Variants in KCNQ1 observed in about 807,000 individuals in gnomAD.
The protein encoded by KCNQ1 is potassium voltage-gated channel subfamily KQT member 1.
Under a neutral mutation model 72.4 loss-of-function variants are expected in KCNQ1, and 49 were observed. That is an observed-to-expected ratio of 0.68 (90% CI 0.54 to 0.86). The LOEUF (loss-of-function observed/expected upper bound fraction) is 0.86. Ranked by LOEUF, KCNQ1 falls within the 40% of genes least tolerant of loss-of-function variation. The pLI, the probability that KCNQ1 is intolerant of heterozygous loss-of-function variation, is 0.00. For missense variants in KCNQ1, 790 were observed against 945.1 expected (o/e 0.84, Z 2.15); for synonymous variants, 450 against 412.6 (o/e 1.09, Z -1.10).
chr11:2,761,429 C>T (rs1227805655), intron 11 of KCNQ1, among the ~76,000 whole-genome samples: 2 of 152,150 alleles, frequency 1.3e-5, no homozygotes, highest in Admixed American at 6.5e-5. Context: ...TTTATAGGCA[C>T]GGGATGGGAG....
intron 10 of KCNQ1, chr11:2,629,769 A>AG (rs1203800707): frequency 1.0e-5 from 4 of 398,298 alleles, no homozygotes; most frequent in Non-Finnish European, 1.8e-5. Context: ...CTGAATGCTG[A>AG]TTTTGTATCC....
At position 2,564,042 on chromosome 11, in the gene KCNQ1, C is replaced by T. The variant is rs1848211672; in HGVS notation, c.478-6586C>T. 6.6e-6 allele frequency among the ~76,000 whole-genome samples: 1 copy of T among 152,082 alleles called. No homozygotes were observed. The highest frequency in any genetic ancestry group is 1.5e-5 in the Non-Finnish European group (1 of 68,002). On this transcript the variant is annotated intron_variant, in intron 2 of 15. Transcript: ENST00000155840. The surrounding 1 kb of genome is among the most constrained non-coding windows in gnomAD (Gnocchi z 4.5). ...CCTGACCCGCGGGAGCCCAGGTGAG[C>T]AACCGCCACGGGCCAGGGCCCCTCG...
At chr11:2,665,853 G>A (rs1261868120) in intron 11 of KCNQ1, 1 of 398,556 alleles carries the variant, frequency 2.5e-6, no homozygotes, top group African/African-American at 2.1e-5. Flanking sequence ...AGGGGCCTGA[G>A]GATCTGCGGC....
Position 2,663,147 on chromosome 11 carries a change from T to C in KCNQ1, c.1514+1066T>C, listed in dbSNP as rs1424496354. The C allele has an allele frequency of 1.5e-5, 6 of 398,584 alleles. No individual in the cohort carries two copies. Among genetic ancestry groups the C allele is most frequent in the Non-Finnish European group, 2.7e-5 (6 of 226,142 alleles). The allele number at this position is 398,584 out of a possible 1,614,324, so 24.7% of individuals were successfully genotyped here. A position where few individuals can be genotyped will look rare whatever the true frequency, so the allele number is the denominator to read the frequency against. ...TTATGATCAGACAGGACCTGCCCAC[T>C]GTCTTTCCAGGCCCCCCCAGTTCAC... On this transcript the variant is annotated intron_variant, in intron 11 of 15. Transcript: ENST00000155840. This position sits in a 1 kb window ranked among gnomAD's most constrained non-coding sequence, Gnocchi z 5.2.
chr11:2,719,565 TAAG>T (rs1851169147), intron 11 of KCNQ1, among the ~76,000 whole-genome samples: 1 of 151,642 alleles, frequency 6.6e-6, no homozygotes, highest in African/African-American at 2.4e-5. Context: ...CAGATCAAAA[TAAG>T]AAGTCAGAGA....
intron 15 of KCNQ1, among the ~76,000 whole-genome samples, chr11:2,841,939 C>A (rs1259991109): frequency 2.6e-5 from 4 of 152,184 alleles, no homozygotes; most frequent in African/African-American, 9.7e-5. Flanking sequence ...AGCCAGGCAG[C>A]GGCAGCCCCA....
Position 2,601,347 on chromosome 11 carries a change from G to A in KCNQ1, c.1393+12493G>A, listed in dbSNP as rs1420867786. Among the ~76,000 whole-genome samples the A allele has an allele frequency of 6.6e-6, 1 of 152,044 alleles. No individual in the cohort carries two copies. Among genetic ancestry groups the A allele is most frequent in the African/African-American group, 2.4e-5 (1 of 41,372 alleles). ...AAATATTTATTCAGATCTTTTGCCC[G>A]TTTAAAAAAATGAGACTTTCAAGCT... is the stretch of plus-strand genomic sequence containing the variant. On this transcript the variant is annotated intron_variant, in intron 10 of 15. Transcript: ENST00000155840. This position sits in a 1 kb window ranked among gnomAD's most constrained non-coding sequence, Gnocchi z 5.2.
rs1846744520 is a variant in KCNQ1 at position 2,486,670 on chromosome 11, T to C, written c.386+41186T>C. On this transcript the variant is annotated intron_variant, in intron 1 of 15. Coordinates refer to ENST00000155840, the MANE Select transcript of KCNQ1 (RefSeq NM_000218.3). The surrounding 1 kb of genome is among the most constrained non-coding windows in gnomAD (Gnocchi z 5.0). ...AAGAAACATGGTGCCAGCACCTGCT[T>C]CTGGCGAGAGCCTCAGGAAGCTTCC... Among the ~76,000 whole-genome samples the C allele has an allele frequency of 6.6e-6, 1 of 152,216 alleles. No homozygotes were observed.
In KCNQ1 at chr11:2,588,775, C is replaced by T. The variant is rs1589969437; in HGVS notation, c.1314C>T (p.Leu438=). The change falls in exon 10 of 16, where the codon CTC becomes CTT. Residue 438 remains leucine, a synonymous_variant. Coordinates refer to ENST00000155840, the MANE Select transcript of KCNQ1 (RefSeq NM_000218.3). This position sits in a 1 kb window ranked among gnomAD's most constrained non-coding sequence, Gnocchi z 5.6. ...GGGTGACTCCTGGAGAGAAGATGCT[C>T]ACAGTCCCCCATATCACGTGCGACC... is the stretch of plus-strand genomic sequence containing the variant. The part of the protein sequence containing the change: ...DNGVTPGEKM[L]TVPHITCDPP... 6.2e-7 allele frequency: 1 copy of T among 1,613,708 alleles called. No homozygotes were observed. Among genetic ancestry groups the T allele is most frequent in the Non-Finnish European group, 8.5e-7 (1 of 1,179,946 alleles).
chr11:2,569,718 C>A (rs1447985012), intron 2 of KCNQ1, among the ~76,000 whole-genome samples: 2 of 152,236 alleles, frequency 1.3e-5, no homozygotes, highest in African/African-American at 2.4e-5. Flanking sequence ...GTGGCCGCTG[C>A]ACTTTAAGTG....
chr11:2,490,169 G>T (rs939440114), intron 1 of KCNQ1, among the ~76,000 whole-genome samples: 1 of 152,206 alleles, frequency 6.6e-6, no homozygotes, highest in Non-Finnish European at 1.5e-5. Flanking sequence ...GGTGGCCACA[G>T]GGAGAGGCTC....
chr11:2,670,168 A>C lies in KCNQ1; in HGVS notation c.1514+8087A>C. On this transcript the variant is annotated intron_variant, in intron 11 of 15. Coordinates refer to ENST00000155840, the MANE Select transcript of KCNQ1 (RefSeq NM_000218.3). The surrounding 1 kb of genome is among the most constrained non-coding windows in gnomAD (Gnocchi z 4.9). ...TTATCACTGTCGGGCCCATCTGCCA[A>C]GGCAAGCACCCACATTAAAGCAGAG... The C allele has an allele frequency of 2.5e-6, 1 of 398,660 alleles. No individual in the cohort carries two copies. 24.7% of individuals were successfully genotyped at this position (398,660 alleles called of 1,614,324 possible).
At chr11:2,727,498 G>A (rs891403937) in intron 11 of KCNQ1, among the ~76,000 whole-genome samples, 2 of 152,194 alleles carry the variant, frequency 1.3e-5, no homozygotes, top group African/African-American at 4.8e-5. Flanking sequence ...ATAAAGAGGA[G>A]GAGGAGGTTG....
In KCNQ1 at chr11:2,808,068, A is replaced by G. The variant is rs1847415269; in HGVS notation, c.1794+30031A>G. ...CTGGCCCAGTGCCCGGCACGTGGCA[A>G]GTGAAGGCGGCTGCTTCCCGCCCCT... On this transcript the variant is annotated intron_variant, in intron 15 of 15. Transcript: ENST00000155840. This position sits in a 1 kb window ranked among gnomAD's most constrained non-coding sequence, Gnocchi z 6.0. Among the ~76,000 whole-genome samples the G allele has an allele frequency of 1.3e-5, 2 of 152,288 alleles. No individual in the cohort carries two copies. The highest frequency in any genetic ancestry group is 2.1e-4 in the South Asian group (1 of 4,826).
chr11:2,731,799 G>A (rs549570133), intron 11 of KCNQ1, among the ~76,000 whole-genome samples: 8 of 152,242 alleles, frequency 5.3e-5, no homozygotes, highest in Non-Finnish European at 1.2e-4. Flanking sequence ...AGCTCTTCCG[G>A]GTGGAAGACA....
At chr11:2,640,098 C>T (rs933906932) in intron 10 of KCNQ1, 21 of 264,748 alleles carry the variant, frequency 7.9e-5, no homozygotes, top group Admixed American at 1.6e-4. Context: ...TTCCAGGTGC[C>T]GTCTGTCACC....
Position 2,450,911 on chromosome 11 carries a change from G to A in KCNQ1, c.386+5427G>A, listed in dbSNP as rs1199621410. The stretch of plus-strand genomic sequence containing the variant: ...AGCCCCACGTGGGTGGGTGCTGGCT[G>A]GGGAGGGGCTTCTCTCTGGGGAGCA... On this transcript the variant is annotated intron_variant, in intron 1 of 15. Transcript: ENST00000155840. The surrounding 1 kb of genome is among the most constrained non-coding windows in gnomAD (Gnocchi z 7.9). 6.6e-6 allele frequency among the ~76,000 whole-genome samples: 1 copy of A among 152,160 alleles called. No homozygotes were observed. The highest frequency in any genetic ancestry group is 1.5e-5 in the Non-Finnish European group (1 of 68,020).
intron 1 of KCNQ1, among the ~76,000 whole-genome samples, chr11:2,523,313 T>A: frequency 6.6e-6 from 1 of 151,874 alleles, no homozygotes; most frequent in South Asian, 2.1e-4. Context: ...CCTGCCTCAA[T>A]CTCCTGAGTG....
Position 2,665,113 on chromosome 11 carries a change from C to T in KCNQ1, c.1514+3032C>T, listed in dbSNP as rs961391673. ...GGAGATAAAGAGTGGCGTCGCTGCA[C>T]CCCAGCCTATAGGTGGGCCCTACTG... On this transcript the variant is annotated intron_variant, in intron 11 of 15. Transcript: ENST00000155840. The T allele has an allele frequency of 4.0e-5, 16 of 398,422 alleles. No homozygotes were observed. Among genetic ancestry groups the T allele is most frequent in the Admixed American group, 4.0e-4 (9 of 22,710 alleles). 24.7% of individuals were successfully genotyped at this position (398,422 alleles called of 1,614,324 possible). A position where few individuals can be genotyped will look rare whatever the true frequency, so the allele number is the denominator to read the frequency against.
Sources: allele counts gnomAD v4.1 joint callset (sites outside exome capture counted in the v4.1 genomes callset), GRCh38; gene constraint gnomAD v4.1.1; non-coding constraint Gnocchi (gnomAD v3.1); transcripts MANE v1.5; gene names NCBI Gene and HGNC (gene_info 2026-07-23, HGNC 2026-07-21).